Variants in KCNQ5 observed in about 807,000 individuals in gnomAD.
KCNQ5 encodes the protein potassium voltage-gated channel subfamily Q member 5.
In KCNQ5, 30 loss-of-function variants were observed where a neutral mutation model predicts 98.2. The ratio of observed to expected loss-of-function variants is 0.31; its 90% confidence interval spans 0.23 to 0.41. The LOEUF (loss-of-function observed/expected upper bound fraction) is 0.41, where lower values mean the gene tolerates loss of function less well. Ranked by LOEUF, KCNQ5 falls within the 10% of genes least tolerant of loss-of-function variation. The probability of loss-of-function intolerance (pLI) is 1.00; values close to 1 mark genes in which losing one functional copy is unlikely to be tolerated. For synonymous variants in KCNQ5, 458 were observed against 449.4 expected (o/e 1.02, Z -0.24); for missense variants, 835 against 1,182.5 (o/e 0.71, Z 4.31).
At chr6:73,098,222 A>G (rs934169647) in intron 5 of KCNQ5, among the ~76,000 whole-genome samples, 1 of 152,130 alleles carries the variant, frequency 6.6e-6, no homozygotes, top group Non-Finnish European at 1.5e-5. Flanking sequence ...TTAAAAATAC[A>G]TGGTCAGCAG....
intron 1 of KCNQ5, among the ~76,000 whole-genome samples, chr6:72,691,512 C>T (rs778890997): frequency 3.9e-5 from 6 of 152,106 alleles, no homozygotes; most frequent in African/African-American, 2.4e-5. Flanking sequence ...ACGCCGAAGA[C>T]GAATACTCTA....
At chr6:72,675,507 C>G (rs1364452254) in intron 1 of KCNQ5, among the ~76,000 whole-genome samples, 5 of 152,180 alleles carry the variant, frequency 3.3e-5, no homozygotes, top group Admixed American at 2.0e-4. Context: ...AGTTCTGCCC[C>G]TGGTGTCTGC....
chr6:73,146,189 A>T (rs1159897014), intron 10 of KCNQ5, among the ~76,000 whole-genome samples: 1 of 152,234 alleles, frequency 6.6e-6, no homozygotes, highest in Non-Finnish European at 1.5e-5. Flanking sequence ...CTTGATTGCA[A>T]TCAGATATCT....
At chr6:73,096,707 A>G (rs958162057) in intron 5 of KCNQ5, among the ~76,000 whole-genome samples, 2 of 152,220 alleles carry the variant, frequency 1.3e-5, no homozygotes, top group African/African-American at 4.8e-5. Context: ...GAATCATTAC[A>G]TCGTGCTAAT....
chr6:72,988,244 G>A (rs562545063), intron 1 of KCNQ5, among the ~76,000 whole-genome samples: 49 of 152,216 alleles, frequency 3.2e-4, no homozygotes, highest in African/African-American at 9.2e-4. Context: ...ATTATTATCC[G>A]CATCTTATAG....
At chr6:73,040,339 G>A (rs1422721547) in intron 2 of KCNQ5, among the ~76,000 whole-genome samples, 5 of 152,148 alleles carry the variant, frequency 3.3e-5, no homozygotes, top group Admixed American at 3.3e-4. Context: ...AGGAATTAGG[G>A]GCAGGGATTA....
At chr6:72,764,150 C>A (rs1370729954) in intron 1 of KCNQ5, among the ~76,000 whole-genome samples, 1 of 151,748 alleles carries the variant, frequency 6.6e-6, no homozygotes, top group East Asian at 1.9e-4. Context: ...GGGAAATGTT[C>A]ATATGTGACA....
In KCNQ5 at chr6:73,195,336, G is replaced by T. The variant is rs150944490; in HGVS notation, c.2721G>T (p.Arg907Ser). ...AFASDSLRTGRSRSSQSICKA... is the reference protein window; with the variant it reads ...AFASDSLRTGSSRSSQSICKA... ...CATCAGACTCTCTAAGGACTGGAAG[G>T]TCACGATCATCTCAGAGCATTTGTA... The change falls in exon 14 of 14, where the codon AGG (arginine) becomes AGT (serine). Residue 907 changes from arginine to serine, a missense_variant. Arg to Ser is a moderately radical substitution (Grantham distance 110). Coordinates refer to ENST00000370398, the MANE Select transcript of KCNQ5 (RefSeq NM_019842.4). The T allele has an allele frequency of 2.8e-4, 454 of 1,614,176 alleles. No individual in the cohort carries two copies. Among genetic ancestry groups the T allele is most frequent in the Non-Finnish European group, 3.7e-4 (431 of 1,180,036 alleles).
At chr6:73,176,473 T>C (rs1164635798) in intron 11 of KCNQ5, among the ~76,000 whole-genome samples, 1 of 152,192 alleles carries the variant, frequency 6.6e-6, no homozygotes, top group Non-Finnish European at 1.5e-5. Flanking sequence ...TATTTATAAA[T>C]TTTTCAGTCT....
chr6:73,092,457 A>G (rs748949682), intron 5 of KCNQ5, among the ~76,000 whole-genome samples: 1 of 152,066 alleles, frequency 6.6e-6, no homozygotes, highest in Non-Finnish European at 1.5e-5. Context: ...ATCTTGTTCC[A>G]GTTCTCAGAG....
At chr6:73,143,635 G>C (rs1031947825) in intron 10 of KCNQ5, 4 of 152,202 alleles carry the variant, frequency 2.6e-5, no homozygotes, top group African/African-American at 9.7e-5. Flanking sequence ...CCCTCCACTG[G>C]ATTTCAATTC....
intron 1 of KCNQ5, among the ~76,000 whole-genome samples, chr6:72,776,836 ATACAG>A (rs1389074507): frequency 6.6e-6 from 1 of 152,104 alleles, no homozygotes; most frequent in Non-Finnish European, 1.5e-5. Flanking sequence ...AAATAGATGA[ATACAG>A]TACAGCGTAG....
chr6:72,678,731 A>G (rs976748853), intron 1 of KCNQ5, among the ~76,000 whole-genome samples: 1 of 152,102 alleles, frequency 6.6e-6, no homozygotes, highest in African/African-American at 2.4e-5. Flanking sequence ...AATTTGTAAG[A>G]TCTTTTTTAT....
chr6:72,819,569 A>G (rs1322950724), intron 1 of KCNQ5, among the ~76,000 whole-genome samples: 1 of 152,174 alleles, frequency 6.6e-6, no homozygotes, highest in Non-Finnish European at 1.5e-5. Context: ...TCCATAAGCA[A>G]TCCAAGTCAG....
At chr6:72,766,238 A>T (rs1401360776) in intron 1 of KCNQ5, among the ~76,000 whole-genome samples, 1 of 152,006 alleles carries the variant, frequency 6.6e-6, no homozygotes, top group Non-Finnish European at 1.5e-5. Flanking sequence ...GAGTTGGGAT[A>T]ACAGCACTAT....
intron 1 of KCNQ5, among the ~76,000 whole-genome samples, chr6:72,806,504 C>T (rs1774966512): frequency 6.6e-6 from 1 of 152,066 alleles, no homozygotes; most frequent in South Asian, 2.1e-4. Context: ...GTCAGTTCAA[C>T]AAAAGCCTTA....
intron 1 of KCNQ5, among the ~76,000 whole-genome samples, chr6:72,804,515 T>C (rs1774853330): frequency 6.6e-6 from 1 of 152,100 alleles, no homozygotes; most frequent in African/African-American, 2.4e-5. Context: ...CACTCTTCTT[T>C]ATAGCCCGGT....
At chr6:72,828,987 T>A (rs1732067917) in intron 1 of KCNQ5, among the ~76,000 whole-genome samples, 1 of 152,148 alleles carries the variant, frequency 6.6e-6, no homozygotes, top group Admixed American at 6.6e-5. Flanking sequence ...TTAAACATAA[T>A]GTGTATGTAT....
intron 1 of KCNQ5, among the ~76,000 whole-genome samples, chr6:72,741,883 G>A (rs2154476201): frequency 6.6e-6 from 1 of 152,282 alleles, no homozygotes; most frequent in Middle Eastern, 3.4e-3. Context: ...TGCTAGAAAA[G>A]CAGACAAACC....
Sources: allele counts gnomAD v4.1 joint callset (sites outside exome capture counted in the v4.1 genomes callset), GRCh38; gene constraint gnomAD v4.1.1; transcripts MANE v1.5; gene names NCBI Gene and HGNC (gene_info 2026-07-23, HGNC 2026-07-21).